FAM24B: variants seen among roughly 807,000 people sequenced by gnomAD.
FAM24B encodes the protein protein FAM24B.
In FAM24B, 3 loss-of-function variants were observed where a neutral mutation model predicts 2.3. That is an observed-to-expected ratio of 1.29 (90% confidence interval 0.59 to 3.32). The LOEUF is 3.32. Ranked by LOEUF, FAM24B falls within the 30% of genes most tolerant of loss-of-function variation. The probability of loss-of-function intolerance (pLI) is 0.03; values close to 1 mark genes in which losing one functional copy is unlikely to be tolerated. For missense variants in FAM24B, 98 were observed against 117.2 expected, an observed-to-expected ratio of 0.84 and a Z score of 0.76; for synonymous variants, 36 against 46.3, an observed-to-expected ratio of 0.78 and a Z score of 0.90.
chr10:122,872,005 T>C (rs1847905559), intron 1 of FAM24B, among the ~76,000 whole-genome samples: 1 of 152,048 alleles, frequency 6.6e-6, no homozygotes. Flanking sequence ...ACAGGCAACC[T>C]ACAGAATGGG....
At chr10:122,868,936 C>A (rs1370464873) in intron 1 of FAM24B, among the ~76,000 whole-genome samples, 4 of 152,126 alleles carry the variant, frequency 2.6e-5, no homozygotes, top group African/African-American at 9.7e-5. Flanking sequence ...CATAACAACA[C>A]TAACCTTAAA....
chr10:122,878,000 T>G (rs1285607513), intron 1 of FAM24B, among the ~76,000 whole-genome samples: 1 of 152,198 alleles, frequency 6.6e-6, no homozygotes, highest in Non-Finnish European at 1.5e-5. Flanking sequence ...GTGAGAATTA[T>G]TTGGTAAAGC....
chr10:122,859,044 G>A (rs1847686258), intron 1 of FAM24B, among the ~76,000 whole-genome samples: 2 of 152,234 alleles, frequency 1.3e-5, no homozygotes, highest in South Asian at 4.2e-4. Context: ...GCCCATCCTT[G>A]GTCTCTCTGC....
chr10:122,868,586 C>T (rs923705302), intron 1 of FAM24B, among the ~76,000 whole-genome samples: 5 of 152,124 alleles, frequency 3.3e-5, no homozygotes, highest in South Asian at 2.1e-4. Flanking sequence ...GCTGATCTCT[C>T]GGCAGAAACT....
In FAM24B at chr10:122,852,758, C is replaced by T. The variant is rs548508240; in HGVS notation, c.-35-2208G>A. On this transcript the variant is annotated intron_variant, in intron 2 of 3. Transcript: ENST00000368898. ...ACCCTGGTGGAGGGGTGCTTTGGGA[C>T]ACTTCTTTACAGCTTGGTAACAGTA... is the stretch of plus-strand genomic sequence containing the variant. 2.0e-5 allele frequency among the ~76,000 whole-genome samples: 3 copies of T among 152,316 alleles called. No individual in the cohort carries two copies. In the South Asian group the frequency reaches 6.2e-4, roughly 32 times the overall value.
chr10:122,849,947 G>A (rs994823074), intron 3 of FAM24B, among the ~76,000 whole-genome samples: 1 of 152,034 alleles, frequency 6.6e-6, no homozygotes, highest in African/African-American at 2.4e-5. Flanking sequence ...TTTCCCCAAG[G>A]CCTCCAGAAA....
intron 1 of FAM24B, among the ~76,000 whole-genome samples, chr10:122,859,621 C>A (rs1029972676): frequency 2.6e-5 from 4 of 152,284 alleles, no homozygotes; most frequent in Admixed American, 6.5e-5. Flanking sequence ...TACTCTTGTA[C>A]CAACTGTCAT....
At chr10:122,871,444 T>C (rs1847896525) in intron 1 of FAM24B, among the ~76,000 whole-genome samples, 1 of 151,966 alleles carries the variant, frequency 6.6e-6, no homozygotes, top group Non-Finnish European at 1.5e-5. Context: ...TACTTAAAAG[T>C]TCATATGGAA....
chr10:122,850,608 C>T lies in FAM24B; in HGVS notation c.-35-58G>A, dbSNP rs185436251. On this transcript the variant is annotated intron_variant, in intron 2 of 3. Transcript: ENST00000368898. Reference sequence around the variant, plus strand: ...CACGTGGTCTCCCTCCCCACACAACCACTAAGCAATGCCAATGTCAGGGGA... The same window carrying T: ...CACGTGGTCTCCCTCCCCACACAACTACTAAGCAATGCCAATGTCAGGGGA... 3.0e-3 allele frequency: 2,490 copies of T among 839,780 alleles called. 7 individuals are homozygous for T. The highest frequency in any genetic ancestry group is 3.6e-3 in the South Asian group (269 of 74,598). 52.0% of individuals were successfully genotyped at this position (839,780 alleles called of 1,614,324 possible). A position where few individuals can be genotyped will look rare whatever the true frequency, so the allele number is the denominator to read the frequency against.
At chr10:122,874,824 G>A (rs548735105) in intron 1 of FAM24B, among the ~76,000 whole-genome samples, 2 of 151,770 alleles carry the variant, frequency 1.3e-5, no homozygotes, top group South Asian at 2.1e-4. Flanking sequence ...GGTTTTTTTT[G>A]CAATTTTTAA....
intron 2 of FAM24B, among the ~76,000 whole-genome samples, chr10:122,853,251 T>C (rs1338404029): frequency 6.6e-6 from 1 of 152,186 alleles, no homozygotes; most frequent in African/African-American, 2.4e-5. Context: ...AGCCACAGCC[T>C]CTGCACCAAC....
intron 1 of FAM24B, among the ~76,000 whole-genome samples, chr10:122,866,951 G>A (rs1847812781): frequency 6.6e-6 from 1 of 152,204 alleles, no homozygotes; most frequent in South Asian, 2.1e-4. Context: ...CAGATAGGCT[G>A]ACAACTAGGC....
intron 1 of FAM24B, among the ~76,000 whole-genome samples, chr10:122,878,998 G>A (rs57433357): frequency 0.026 from 3,900 of 152,212 alleles, 150 homozygotes; most frequent in African/African-American, 0.083. Flanking sequence ...TAAAGAACAG[G>A]AAGTCTGGTG....
intron 3 of FAM24B, 107 bp downstream of exon 3, chr10:122,850,317 T>A: frequency 1.1e-6 from 1 of 874,550 alleles, no homozygotes; most frequent in Non-Finnish European, 1.9e-6. Context: ...CAGCAAGGAA[T>A]GACCTTGCTC....
chr10:122,868,807 T>C (rs10794576), intron 1 of FAM24B, among the ~76,000 whole-genome samples: 91,750 of 151,964 alleles, frequency 0.6, 28,151 homozygotes, highest in Non-Finnish European at 0.66. Flanking sequence ...AAGGAACAAC[T>C]GGTACCAGCC....
At chr10:122,869,852 C>A (rs1028206183) in intron 1 of FAM24B, among the ~76,000 whole-genome samples, 2 of 152,052 alleles carry the variant, frequency 1.3e-5, no homozygotes, top group Admixed American at 6.6e-5. Context: ...AAAATTGACA[C>A]CCTAACATCA....
At chr10:122,875,010 C>T (rs954145000) in intron 1 of FAM24B, among the ~76,000 whole-genome samples, 9 of 152,104 alleles carry the variant, frequency 5.9e-5, no homozygotes, top group Non-Finnish European at 1.2e-4. Context: ...TTGGATAATT[C>T]CCAACCATTA....
intron 1 of FAM24B, among the ~76,000 whole-genome samples, chr10:122,860,660 T>C (rs1015988914): frequency 1.3e-5 from 2 of 152,242 alleles, no homozygotes; most frequent in Admixed American, 6.5e-5. Context: ...CTAGCAGCTA[T>C]GTTAATTTGT....
intron 1 of FAM24B, among the ~76,000 whole-genome samples, chr10:122,862,346 G>A (rs1014456550): frequency 3.3e-5 from 5 of 152,076 alleles, no homozygotes; most frequent in African/African-American, 7.2e-5. Context: ...AACATGGACC[G>A]TCTCTCATGT....
Sources: allele counts gnomAD v4.1 joint callset (sites outside exome capture counted in the v4.1 genomes callset), GRCh38; gene constraint gnomAD v4.1.1; transcripts MANE v1.5; gene names NCBI Gene and HGNC (gene_info 2026-07-23, HGNC 2026-07-21).